Variants in EGLN3 observed in about 807,000 individuals in gnomAD.
The protein encoded by EGLN3 is egl-9 family hypoxia inducible factor 3.
A neutral mutation model predicts 26.0 loss-of-function variants in EGLN3; 15 were observed. The ratio of observed to expected loss-of-function variants is 0.58; its 90% confidence interval spans 0.39 to 0.89. The LOEUF (loss-of-function observed/expected upper bound fraction) is 0.89. Among genes scored for constraint, EGLN3 ranks in the 40% least tolerant of loss-of-function variants. The pLI is 0.00. For missense variants in EGLN3, 238 were observed against 311.6 expected (o/e 0.76, Z 1.78); for synonymous variants, 147 against 127.2 (o/e 1.16, Z -1.05).
In EGLN3 at chr14:33,943,188, A is replaced by T. The variant is rs573090206; in HGVS notation, c.357+7208T>A. Among the ~76,000 whole-genome samples the T allele has an allele frequency of 4.6e-5, 7 of 152,304 alleles. No homozygotes were observed. In the South Asian group the frequency reaches 1.5e-3, roughly 32 times the overall value. On this transcript the variant is annotated intron_variant, in intron 1 of 4. Transcript: ENST00000250457. ...TATGTATAATTAACCAAGACAACTA[A>T]TCTTGCTTGGCAAACAGACACATAG...
At chr14:33,944,994 C>CA (rs2064508189) in intron 1 of EGLN3, among the ~76,000 whole-genome samples, 1 of 152,158 alleles carries the variant, frequency 6.6e-6, no homozygotes, top group East Asian at 1.9e-4. Context: ...ACAAAATAGA[C>CA]AAAAAACCCC....
chr14:33,929,284 A>T lies in EGLN3; in HGVS notation c.478-72T>A, dbSNP rs1197952408. ...TTATCAACAACCATATTTCAGCTCCATTTAGAAACATGCCATCTGCTAACC... is the reference window on the plus strand; with the variant it reads ...TTATCAACAACCATATTTCAGCTCCTTTTAGAAACATGCCATCTGCTAACC... On this transcript the variant is annotated intron_variant, in intron 2 of 4. Transcript: ENST00000250457. The T allele has an allele frequency of 6.4e-6, 10 of 1,561,272 alleles. No homozygotes were observed. In the East Asian group the frequency reaches 2.3e-4, roughly 35 times the overall value.
rs2064472152 is a variant in EGLN3, at chr14:33,940,128, T to G, written c.358-8913A>C. On this transcript the variant is annotated intron_variant, in intron 1 of 4. Transcript: ENST00000250457. ...AAGAGGCCAAGAAAATTGACCCTAC[T>G]TGTCCAAGTCATCTTGTCTTTGCTT... 2.0e-5 allele frequency among the ~76,000 whole-genome samples: 3 copies of G among 152,236 alleles called. No individual in the cohort carries two copies. The South Asian group carries it at 6.2e-4, about 31-fold the overall frequency.
At chr14:33,946,878 G>A (rs1352798574) in intron 1 of EGLN3, among the ~76,000 whole-genome samples, 2 of 152,202 alleles carry the variant, frequency 1.3e-5, no homozygotes, top group Admixed American at 6.5e-5. Context: ...AGTTAACACT[G>A]AGCCTGAGCT....
At chr14:33,949,933 C>G (rs1172670957) in intron 1 of EGLN3, 1 of 246,690 alleles carries the variant, frequency 4.1e-6, no homozygotes, top group East Asian at 8.3e-5. Context: ...AAAATCACAA[C>G]TGCCTCCAGA....
intron 1 of EGLN3, among the ~76,000 whole-genome samples, chr14:33,933,929 A>G (rs907637511): frequency 7.2e-5 from 11 of 152,232 alleles, no homozygotes; most frequent in African/African-American, 2.4e-4. Flanking sequence ...TAATGATCAT[A>G]TAACAAACAT....
At chr14:33,938,093 T>C (rs1204520077) in intron 1 of EGLN3, among the ~76,000 whole-genome samples, 2 of 152,192 alleles carry the variant, frequency 1.3e-5, no homozygotes, top group Non-Finnish European at 2.9e-5. Context: ...TTTGAGATTC[T>C]TACATTAAAA....
Position 33,924,901 on chromosome 14 carries a change from T to C in EGLN3, c.*990A>G, listed in dbSNP as rs566304448. 1 of 150,248 alleles carries C rather than the reference T, an allele frequency of 6.7e-6. No individual in the cohort carries two copies. The highest frequency in any genetic ancestry group is 1.5e-5 in the Non-Finnish European group (1 of 67,716). The allele number at this position is 150,248 out of a possible 1,614,324, so 9.3% of individuals were successfully genotyped here. ...CCTTTTTTAAAATACATCACCTTGC[T>C]TTTTTTGTGTTAAAGGGTGAGCTCA... On this transcript the variant is annotated 3_prime_UTR_variant, in exon 5 of 5. Transcript: ENST00000250457.
intron 1 of EGLN3, among the ~76,000 whole-genome samples, chr14:33,938,647 G>T (rs1396445217): frequency 6.6e-6 from 1 of 152,226 alleles, no homozygotes; most frequent in East Asian, 1.9e-4. Context: ...TATAAAATCA[G>T]CAAAGGTCAG....
intron 1 of EGLN3, chr14:33,948,612 A>T (rs1207127453): frequency 1.3e-5 from 2 of 152,206 alleles, no homozygotes; most frequent in Non-Finnish European, 2.9e-5. Context: ...CCCTTACCCT[A>T]ACTTACACAG....
At chr14:33,950,211 T>G (rs935401787) in intron 1 of EGLN3, 185 bp downstream of exon 1, 7 of 636,012 alleles carry the variant, frequency 1.1e-5, no homozygotes, top group Non-Finnish European at 1.1e-5. Context: ...CCCCTTAACG[T>G]TGACTTTCGC....
chr14:33,939,043 A>G (rs1199838193), intron 1 of EGLN3, among the ~76,000 whole-genome samples: 1 of 152,234 alleles, frequency 6.6e-6, no homozygotes, highest in Non-Finnish European at 1.5e-5. Flanking sequence ...CTGCAGGCTC[A>G]TCAGAGAATG....
intron 1 of EGLN3, among the ~76,000 whole-genome samples, chr14:33,943,695 C>A (rs887690373): frequency 6.6e-6 from 1 of 152,184 alleles, no homozygotes; most frequent in Non-Finnish European, 1.5e-5. Context: ...CGGAAGTACA[C>A]AAGATGCTGG....
At chr14:33,942,030 T>C (rs984231769) in intron 1 of EGLN3, among the ~76,000 whole-genome samples, 5 of 152,174 alleles carry the variant, frequency 3.3e-5, no homozygotes, top group African/African-American at 1.2e-4. Flanking sequence ...TTTACAGTGT[T>C]GTATAGTAGA....
chr14:33,931,692 C>T lies in EGLN3; in HGVS notation c.358-477G>A, dbSNP rs538041898. 5.9e-5 allele frequency among the ~76,000 whole-genome samples: 9 copies of T among 152,290 alleles called. No homozygotes were observed. The East Asian group carries it at 1.5e-3, about 26-fold the overall frequency. The stretch of plus-strand genomic sequence containing the variant: ...AAAGGTATTTGCATACACAAAGTGA[C>T]AGAACTAATCACCAAAGGAGGAAAA... On this transcript the variant is annotated intron_variant, in intron 1 of 4. Transcript: ENST00000250457.
chr14:33,936,937 G>A (rs535616605), intron 1 of EGLN3, among the ~76,000 whole-genome samples: 70 of 152,268 alleles, frequency 4.6e-4, no homozygotes, highest in Admixed American at 4.1e-3. Flanking sequence ...ACTTAAATCC[G>A]GAGGACATGA....
At chr14:33,949,846 G>C (rs937315315) in intron 1 of EGLN3, 6 of 173,890 alleles carry the variant, frequency 3.5e-5, no homozygotes, top group Non-Finnish European at 6.1e-5. Context: ...TGGGTCCCAG[G>C]GGGCAGAAGC....
chr14:33,950,969 G>C lies in EGLN3; in HGVS notation c.-217C>G. 1.7e-6 allele frequency: 1 copy of C among 585,954 alleles called. No individual in the cohort carries two copies. Among genetic ancestry groups the C allele is most frequent in the South Asian group, 2.2e-5 (1 of 46,336 alleles). 36.3% of individuals were successfully genotyped at this position (585,954 alleles called of 1,614,324 possible). On this transcript the variant is annotated 5_prime_UTR_variant, in exon 1 of 5. Transcript: ENST00000250457. ...TTCGGGAACCAGCGGGAGTGGTGCG[G>C]AGCTCCACGACCCGTTTCCGGACTG... is the stretch of plus-strand genomic sequence containing the variant.
intron 1 of EGLN3, among the ~76,000 whole-genome samples, chr14:33,939,476 C>T (rs1288054039): frequency 6.6e-6 from 1 of 151,888 alleles, no homozygotes; most frequent in Non-Finnish European, 1.5e-5. Flanking sequence ...GCCCAAAGTG[C>T]TGGGATTGCA....
Sources: gnomAD v4.1 joint callset for allele counts (sites outside exome capture counted in the v4.1 genomes callset) on GRCh38, gnomAD v4.1.1 for gene constraint, MANE v1.5 for transcripts, NCBI Gene and HGNC (gene_info 2026-07-23, HGNC 2026-07-21) for gene names.